The following FRMD6 variants were observed in gnomAD, a reference collection of about 807,000 sequenced individuals.
The protein encoded by FRMD6 is FERM domain-containing protein 6.
FRMD6 carries 37 observed loss-of-function variants against 73.2 expected under a neutral mutation model. The observed-to-expected ratio is 0.51, with a 90% CI of 0.39 to 0.66. FRMD6 has a LOEUF of 0.66. Ranked by LOEUF, FRMD6 falls within the 30% of genes least tolerant of loss-of-function variation. FRMD6 has a pLI of 0.00. For synonymous variants in FRMD6, 273 were observed against 282.2 expected (o/e 0.97, Z 0.33); for missense variants, 714 against 780.5 (o/e 0.91, Z 1.02).
At chr14:51,528,558 C>T (rs892228973) in intron 1 of FRMD6, among the ~76,000 whole-genome samples, 1 of 152,122 alleles carries the variant, frequency 6.6e-6, no homozygotes, top group Non-Finnish European at 1.5e-5. Flanking sequence ...CCAAGATCCC[C>T]AACCCAGCTA....
chr14:51,484,786 G>A (rs1302107527), upstream of FRMD6, among the ~76,000 whole-genome samples: 1 of 152,204 alleles, frequency 6.6e-6, no homozygotes, highest in Non-Finnish European at 1.5e-5. Flanking sequence ...ATGAGTGCCA[G>A]TTTCTCATAT....
At chr14:51,501,371 A>G (rs1179078832) in intron 1 of FRMD6, among the ~76,000 whole-genome samples, 2 of 151,842 alleles carry the variant, frequency 1.3e-5, no homozygotes, top group Non-Finnish European at 2.9e-5. Context: ...CCCTCCCCCA[A>G]CCAACCCCTC....
intron 1 of FRMD6, among the ~76,000 whole-genome samples, chr14:51,681,881 A>C (rs529804322): frequency 2.6e-5 from 4 of 152,278 alleles, no homozygotes; most frequent in African/African-American, 9.6e-5. Flanking sequence ...TTACATATCA[A>C]CCATGCTTTC....
intron 2 of FRMD6, among the ~76,000 whole-genome samples, chr14:51,596,336 C>A (rs572647804): frequency 6.6e-6 from 1 of 152,128 alleles, no homozygotes; most frequent in South Asian, 2.1e-4. Context: ...CAAGCACCCT[C>A]ACATTACTGA....
At chr14:51,566,987 G>C (rs376886121) in intron 1 of FRMD6, among the ~76,000 whole-genome samples, 11 of 152,276 alleles carry the variant, frequency 7.2e-5, no homozygotes, top group Middle Eastern at 3.4e-3. Flanking sequence ...ATGCCCACAA[G>C]AGCCAGACAG....
the FRMD6 span, among the ~76,000 whole-genome samples, chr14:51,445,508 C>A: frequency 2.0e-5 from 3 of 150,402 alleles, no homozygotes; most frequent in Non-Finnish European, 4.4e-5. Flanking sequence ...TCTCCATGAT[C>A]ATAAAGTTAT....
At chr14:51,583,412 G>A (rs1888846032) in intron 2 of FRMD6, among the ~76,000 whole-genome samples, 1 of 152,138 alleles carries the variant, frequency 6.6e-6, no homozygotes, top group Non-Finnish European at 1.5e-5. Context: ...TTTACTTGGG[G>A]AGACATTATC....
intron 1 of FRMD6, among the ~76,000 whole-genome samples, chr14:51,557,537 G>A (rs1887211872): frequency 6.6e-6 from 1 of 152,064 alleles, no homozygotes; most frequent in Admixed American, 6.6e-5. Flanking sequence ...GTTGGAAAAT[G>A]TTCTTCAAAT....
intron 6 of FRMD6, 44 bp from the exon 7 acceptor site, chr14:51,708,034 C>G (rs763133039): frequency 5.6e-5 from 90 of 1,596,138 alleles, no homozygotes; most frequent in Non-Finnish European, 7.5e-5. Flanking sequence ...GAACTTACAT[C>G]TCTCCAACAA....
chr14:51,490,016 G>A (rs1173004988), intron 1 of FRMD6, among the ~76,000 whole-genome samples: 1 of 152,094 alleles, frequency 6.6e-6, no homozygotes, highest in Admixed American at 6.5e-5. Flanking sequence ...TACATATTTG[G>A]GGTTCCTGCA....
intron 2 of FRMD6, among the ~76,000 whole-genome samples, chr14:51,587,291 T>A (rs1487909485): frequency 6.6e-6 from 1 of 151,700 alleles, no homozygotes; most frequent in Non-Finnish European, 1.5e-5. Context: ...ATTTTAGTAG[T>A]AGATTGAGGT....
chr14:51,480,644 TAC>T, the FRMD6 span, among the ~76,000 whole-genome samples: 1 of 152,220 alleles, frequency 6.6e-6, no homozygotes, highest in African/African-American at 2.4e-5. Flanking sequence ...ATGTCCTATC[TAC>T]GTTCATATCC....
chr14:51,426,783 G>T, the FRMD6 span, among the ~76,000 whole-genome samples: 111 of 152,240 alleles, frequency 7.3e-4, no homozygotes, highest in Non-Finnish European at 1.1e-3. Context: ...AAGCTTCTCT[G>T]CTACCTTCCT....
chr14:51,627,107 A>T (rs1284117649), intron 2 of FRMD6, among the ~76,000 whole-genome samples: 1 of 152,170 alleles, frequency 6.6e-6, no homozygotes, highest in East Asian at 1.9e-4. Flanking sequence ...AACCACCACT[A>T]TTACAAGTGT....
chr14:51,576,862 C>T (rs1888433304), intron 2 of FRMD6, among the ~76,000 whole-genome samples: 1 of 152,172 alleles, frequency 6.6e-6, no homozygotes, highest in South Asian at 2.1e-4. Context: ...TCACTGGCCA[C>T]ATGATGTTAG....
At chr14:51,662,080 C>T (rs1176928671) in intron 1 of FRMD6, among the ~76,000 whole-genome samples, 1 of 152,056 alleles carries the variant, frequency 6.6e-6, no homozygotes, top group Non-Finnish European at 1.5e-5. Context: ...TTTTTTAGTT[C>T]TTTGTTAAAT....
the FRMD6 span, among the ~76,000 whole-genome samples, chr14:51,461,585 C>G: frequency 1.3e-5 from 2 of 152,170 alleles, no homozygotes; most frequent in African/African-American, 4.8e-5. Context: ...CAAGGAGTTA[C>G]TGGTCTTTTG....
chr14:51,666,387 A>G (rs1234506132), intron 1 of FRMD6, among the ~76,000 whole-genome samples: 2 of 152,210 alleles, frequency 1.3e-5, no homozygotes, highest in Non-Finnish European at 2.9e-5. Flanking sequence ...TATGTCTGTG[A>G]TATTACTGTG....
At chr14:51,591,093 G>T (rs974462505) in intron 2 of FRMD6, among the ~76,000 whole-genome samples, 1 of 151,820 alleles carries the variant, frequency 6.6e-6, no homozygotes. Context: ...TTTTGTTTTC[G>T]TATAAAATTG....
Sources: allele counts gnomAD v4.1 joint callset (sites outside exome capture counted in the v4.1 genomes callset), GRCh38; gene constraint gnomAD v4.1.1; transcripts MANE v1.5; gene names NCBI Gene and HGNC (gene_info 2026-07-23, HGNC 2026-07-21).